SNX24: variants seen among roughly 807,000 people sequenced by gnomAD.
SNX24 encodes the protein sorting nexin 24.
In SNX24, 22 loss-of-function variants were observed where a neutral mutation model predicts 28.7. The ratio of observed to expected loss-of-function variants is 0.77; its 90% CI spans 0.55 to 1.10. SNX24 has a LOEUF of 1.10. Ranked by LOEUF, SNX24 falls within the 50% of genes least tolerant of loss-of-function variation. SNX24 has a pLI of 0.00. For synonymous variants in SNX24, 69 were observed against 71.5 expected (o/e 0.96, Z 0.18); for missense variants, 221 against 201.1 (o/e 1.10, Z -0.60).
intron 1 of SNX24, among the ~76,000 whole-genome samples, chr5:122,879,366 G>A (rs1029864775): frequency 6.6e-6 from 1 of 152,196 alleles, no homozygotes; most frequent in Non-Finnish European, 1.5e-5. Context: ...AGCTGAAATC[G>A]CAAACTTTAG....
chr5:122,850,026 A>C (rs1754822541), intron 1 of SNX24, among the ~76,000 whole-genome samples: 1 of 152,234 alleles, frequency 6.6e-6, no homozygotes, highest in Non-Finnish European at 1.5e-5. Flanking sequence ...TCCCCTTGAG[A>C]GCTATAAGGG....
At chr5:122,991,148 C>T (rs1761829698) in intron 3 of SNX24, among the ~76,000 whole-genome samples, 2 of 152,044 alleles carry the variant, frequency 1.3e-5, no homozygotes, top group Non-Finnish European at 2.9e-5. Flanking sequence ...CCACCCACTG[C>T]AGCCTCCCAA....
intron 1 of SNX24, among the ~76,000 whole-genome samples, chr5:122,866,115 C>T (rs1468938189): frequency 6.6e-6 from 1 of 152,192 alleles, no homozygotes; most frequent in Non-Finnish European, 1.5e-5. Flanking sequence ...ATCTTAATTT[C>T]TGTCACTGGT....
rs77163328 is a variant in SNX24 at position 122,897,508 on chromosome 5, A to G, written c.61-39226A>G. Reference sequence around the variant, plus strand: ...AAAGAATGGATCATTTTGAACTTACATATGTCACTCTCCTAGGATAGAACT... The same window carrying G: ...AAAGAATGGATCATTTTGAACTTACGTATGTCACTCTCCTAGGATAGAACT... On this transcript the variant is annotated intron_variant, in intron 1 of 6. Coordinates refer to ENST00000261369, the MANE Select transcript of SNX24 (RefSeq NM_014035.4). 4.9e-3 allele frequency among the ~76,000 whole-genome samples: 746 copies of G among 152,328 alleles called. 5 individuals are homozygous for G. Among genetic ancestry groups the G allele is most frequent in the Non-Finnish European group, 8.3e-3 (566 of 68,028 alleles).
chr5:122,893,323 A>T (rs1263060829), intron 1 of SNX24, among the ~76,000 whole-genome samples: 1 of 151,868 alleles, frequency 6.6e-6, no homozygotes, highest in African/African-American at 2.4e-5. Context: ...GTTTTGTCCA[A>T]TAAGATATGC....
At chr5:122,874,924 C>T (rs902226591) in intron 1 of SNX24, among the ~76,000 whole-genome samples, 1 of 152,152 alleles carries the variant, frequency 6.6e-6, no homozygotes, top group Non-Finnish European at 1.5e-5. Flanking sequence ...GCCCTTAACA[C>T]ATAATTGGTT....
At chr5:122,945,991 C>A in intron 2 of SNX24, 64 bp from the exon 3 acceptor site, 1 of 806,096 alleles carries the variant, frequency 1.2e-6, no homozygotes, top group Non-Finnish European at 1.9e-6. Context: ...CAAATAATAT[C>A]ACTATAATTA....
At chr5:122,854,162 T>A (rs1182895149) in intron 1 of SNX24, among the ~76,000 whole-genome samples, 1 of 151,962 alleles carries the variant, frequency 6.6e-6, no homozygotes, top group Non-Finnish European at 1.5e-5. Context: ...CTTCTGTATA[T>A]AGAAGCCCTT....
intron 1 of SNX24, among the ~76,000 whole-genome samples, chr5:122,902,551 A>G (rs975511376): frequency 6.6e-6 from 1 of 152,156 alleles, no homozygotes; most frequent in Non-Finnish European, 1.5e-5. Context: ...CCTTCATTCC[A>G]GATGAAACTC....
Position 122,910,443 on chromosome 5 carries a change from G to A in SNX24, c.61-26291G>A, listed in dbSNP as rs1757830340. On this transcript the variant is annotated intron_variant, in intron 1 of 6. Coordinates refer to ENST00000261369, the MANE Select transcript of SNX24 (RefSeq NM_014035.4). ...CTGCTCCTCCAAGGCCCAGCCTGAG[G>A]AAAGACAGACTTTTTTTTGTTTTGT... Among the ~76,000 whole-genome samples, 4 of 152,152 alleles carry A rather than the reference G, an allele frequency of 2.6e-5. No homozygotes were observed. The South Asian group carries it at 8.3e-4, about 32-fold the overall frequency.
chr5:122,885,302 C>T (rs113219692), intron 1 of SNX24, among the ~76,000 whole-genome samples: 17 of 152,242 alleles, frequency 1.1e-4, no homozygotes, highest in Admixed American at 3.3e-4. Context: ...GAGCAGAAAC[C>T]TGTTGCCCAC....
rs934178092 is a variant in SNX24 at position 122,902,586 on chromosome 5, A to C, written c.61-34148A>C. On this transcript the variant is annotated intron_variant, in intron 1 of 6. Coordinates refer to ENST00000261369, the MANE Select transcript of SNX24 (RefSeq NM_014035.4). ...CAGGGCCTCGATTCTCTGTACACTTATGTTCTATGGGAGGGGATGGGGGCT... is the reference window on the plus strand; with the variant it reads ...CAGGGCCTCGATTCTCTGTACACTTCTGTTCTATGGGAGGGGATGGGGGCT... Among the ~76,000 whole-genome samples the C allele has an allele frequency of 2.6e-5, 4 of 152,022 alleles. No homozygotes were observed. In the East Asian group the frequency reaches 5.8e-4, roughly 22 times the overall value.
intron 2 of SNX24, among the ~76,000 whole-genome samples, chr5:122,943,190 A>G (rs1157538656): frequency 6.6e-6 from 1 of 152,108 alleles, no homozygotes; most frequent in Non-Finnish European, 1.5e-5. Flanking sequence ...TCTCCCTTGC[A>G]TTATCAGTTT....
chr5:122,882,782 A>C (rs966009875), intron 1 of SNX24, among the ~76,000 whole-genome samples: 8 of 152,106 alleles, frequency 5.3e-5, no homozygotes, highest in Admixed American at 1.3e-4. Context: ...CTGTCTGTAA[A>C]TGTCAATTTT....
chr5:122,909,999 C>T (rs1757812606), intron 1 of SNX24, among the ~76,000 whole-genome samples: 1 of 152,094 alleles, frequency 6.6e-6, no homozygotes, highest in African/African-American at 2.4e-5. Flanking sequence ...AGATTGAGAG[C>T]TTGTAGGTTC....
At chr5:122,865,366 TGTTGCCCAGGCTAGA>T (rs1755667651) in intron 1 of SNX24, among the ~76,000 whole-genome samples, 1 of 152,262 alleles carries the variant, frequency 6.6e-6, no homozygotes, top group Admixed American at 6.5e-5. Context: ...AATCTTGCTC[TGTTGCCCAGGCTAGA>T]GTGCAATGGC....
At chr5:122,963,425 A>C (rs1285359009) in intron 3 of SNX24, among the ~76,000 whole-genome samples, 2 of 152,142 alleles carry the variant, frequency 1.3e-5, no homozygotes, top group East Asian at 3.9e-4. Flanking sequence ...ATATGGACAG[A>C]AAGACCACAT....
At chr5:122,987,223 C>G (rs1291823340) in intron 3 of SNX24, among the ~76,000 whole-genome samples, 6 of 152,034 alleles carry the variant, frequency 3.9e-5, no homozygotes, top group Admixed American at 1.3e-4. Flanking sequence ...TGGGTAAAGG[C>G]TGATTCTTCT....
intron 4 of SNX24, among the ~76,000 whole-genome samples, chr5:123,000,964 G>T (rs1762224517): frequency 1.3e-5 from 2 of 152,172 alleles, no homozygotes. Flanking sequence ...CTCCTCATGA[G>T]CACTGTTTAC....
Sources: allele counts gnomAD v4.1 joint callset (sites outside exome capture counted in the v4.1 genomes callset), GRCh38; gene constraint gnomAD v4.1.1; transcripts MANE v1.5; gene names NCBI Gene and HGNC (gene_info 2026-07-23, HGNC 2026-07-21).